The following GFRA2 variants were observed in gnomAD, a reference collection of about 807,000 sequenced individuals.
GFRA2 encodes GDNF family receptor alpha 2.
A neutral mutation model predicts 48.3 loss-of-function variants in GFRA2; 17 were observed. The observed-to-expected ratio is 0.35, with a 90% CI of 0.24 to 0.53. The LOEUF (loss-of-function observed/expected upper bound fraction) is 0.53, where lower values mean the gene tolerates loss of function less well. Ranked by LOEUF, GFRA2 falls within the 20% of genes least tolerant of loss-of-function variation. The pLI is 0.93. For synonymous variants in GFRA2, 305 were observed against 257.2 expected (o/e 1.19, Z -1.78); for missense variants, 660 against 637.3 (o/e 1.04, Z -0.38).
intron 2 of GFRA2, among the ~76,000 whole-genome samples, chr8:21,798,071 C>A (rs1807709462): frequency 6.6e-6 from 1 of 152,178 alleles, no homozygotes; most frequent in Admixed American, 6.5e-5. Flanking sequence ...GGTACAGGCA[C>A]CTGCTGCCTC....
chr8:21,696,830 G>C (rs1458853060), intron 7 of GFRA2, among the ~76,000 whole-genome samples: 1 of 151,050 alleles, frequency 6.6e-6, no homozygotes, highest in Non-Finnish European at 1.5e-5. Context: ...GTGGAAGGAA[G>C]AGAGGAAACC....
chr8:21,789,425 C>T (rs1054828876), upstream of GFRA2, among the ~76,000 whole-genome samples: 4 of 152,158 alleles, frequency 2.6e-5, no homozygotes, highest in Admixed American at 2.0e-4. Context: ...GCGCGGAGTC[C>T]GTGGGGCCCG....
chr8:21,805,928 CAGA>C (rs1382246425), intron 1 of GFRA2, among the ~76,000 whole-genome samples: 3 of 152,198 alleles, frequency 2.0e-5, no homozygotes, highest in African/African-American at 7.2e-5. Context: ...GGCTGCAGGG[CAGA>C]AGGTTTGAGC....
At chr8:21,800,449 G>C (rs1040573884) in intron 2 of GFRA2, among the ~76,000 whole-genome samples, 2 of 152,214 alleles carry the variant, frequency 1.3e-5, no homozygotes, top group African/African-American at 2.4e-5. Context: ...GATGCAATGC[G>C]TTAGGCATCA....
chr8:21,789,883 G>A (rs2117099477), upstream of GFRA2, among the ~76,000 whole-genome samples: 1 of 152,260 alleles, frequency 6.6e-6, no homozygotes, highest in South Asian at 2.1e-4. Context: ...GAATCGGGCA[G>A]GGGCTCGCAC....
intron 4 of GFRA2, among the ~76,000 whole-genome samples, chr8:21,712,256 G>T (rs540828736): frequency 2.0e-3 from 304 of 151,628 alleles, no homozygotes; most frequent in Middle Eastern, 6.8e-3. Flanking sequence ...CAGACGGGGC[G>T]GCTGCCAGGC....
chr8:21,713,086 C>T (rs76915674), intron 4 of GFRA2, among the ~76,000 whole-genome samples: 4 of 146,044 alleles, frequency 2.7e-5, no homozygotes, highest in Non-Finnish European at 4.7e-5. Context: ...GAGGGAGAGG[C>T]AGAGGGAGAG....
intron 3 of GFRA2, among the ~76,000 whole-genome samples, chr8:21,766,906 C>T (rs984837070): frequency 1.5e-5 from 2 of 131,168 alleles, no homozygotes; most frequent in African/African-American, 6.0e-5. Flanking sequence ...TCCACACACA[C>T]GCTAACACAT....
At position 21,702,746 on chromosome 8, in the gene GFRA2, T is replaced by A. The variant is rs975677462; in HGVS notation, c.1218+59A>T. The A allele has an allele frequency of 3.3e-6, 5 of 1,494,868 alleles. No homozygotes were observed. The African/African-American group carries it at 7.3e-5, about 22-fold the overall frequency. The allele number at this position is 1,494,868 out of a possible 1,614,324, so 92.6% of individuals were successfully genotyped here. A position where few individuals can be genotyped will look rare whatever the true frequency, so the allele number is the denominator to read the frequency against. On this transcript the variant is annotated intron_variant, in intron 7 of 8. Transcript: ENST00000524240. ...CCCTCCCTGGCCTCAGCTGAGTCATTTCCCATGCCACTTCCGGTGCCATGG... is the reference window on the plus strand; with the variant it reads ...CCCTCCCTGGCCTCAGCTGAGTCATATCCCATGCCACTTCCGGTGCCATGG...
chr8:21,733,711 G>A (rs920666901), intron 4 of GFRA2, among the ~76,000 whole-genome samples: 2 of 152,194 alleles, frequency 1.3e-5, no homozygotes, highest in East Asian at 1.9e-4. Context: ...ATGGAAAACT[G>A]ATGGCTTTTA....
intron 4 of GFRA2, among the ~76,000 whole-genome samples, chr8:21,706,564 C>T (rs554743056): frequency 6.6e-6 from 1 of 152,276 alleles, no homozygotes; most frequent in East Asian, 1.9e-4. Context: ...AAAAGAGTCT[C>T]CCTGGGTGAG....
chr8:21,698,859 G>A (rs762455671), intron 7 of GFRA2, among the ~76,000 whole-genome samples: 21 of 150,886 alleles, frequency 1.4e-4, no homozygotes, highest in Admixed American at 2.6e-4. Flanking sequence ...CCTCGGCTCC[G>A]CTGCTGATTC....
intron 4 of GFRA2, among the ~76,000 whole-genome samples, chr8:21,732,708 G>A (rs1036984471): frequency 2.6e-5 from 4 of 152,248 alleles, no homozygotes; most frequent in Non-Finnish European, 2.9e-5. Context: ...TGCTAGCCAG[G>A]CTAGAGAGAA....
intron 4 of GFRA2, among the ~76,000 whole-genome samples, chr8:21,708,376 T>C (rs773066310): frequency 6.6e-6 from 1 of 152,048 alleles, no homozygotes; most frequent in Non-Finnish European, 1.5e-5. Context: ...GAGAGTGCTA[T>C]GAGAGGGGAA....
At chr8:21,744,897 T>C (rs769232922) in intron 4 of GFRA2, among the ~76,000 whole-genome samples, 1 of 151,970 alleles carries the variant, frequency 6.6e-6, no homozygotes, top group Non-Finnish European at 1.5e-5. Flanking sequence ...CAAAGCCAGG[T>C]GGAACTGTCA....
rs1807070321 is a variant in GFRA2 at position 21,782,694 on chromosome 8, C to G, written c.246G>C (p.Leu82Phe). ...ACAGCGGGCTCTCCTGCAAGACCTC[C>G]AAGGCCGCCTGGCACTCCTTGTTGG... ...MLANKECQAA[L>F]EVLQESPLYD... The change falls in exon 2 of 9, where the codon TTG becomes TTC. Residue 82 changes from leucine to phenylalanine, a missense_variant. Coordinates refer to ENST00000524240, the MANE Select transcript of GFRA2 (RefSeq NM_001495.5). The G allele has an allele frequency of 6.3e-7, 1 of 1,592,802 alleles. No individual in the cohort carries two copies. Among genetic ancestry groups the G allele is most frequent in the Non-Finnish European group, 8.5e-7 (1 of 1,170,164 alleles).
intron 3 of GFRA2, among the ~76,000 whole-genome samples, chr8:21,752,764 G>A (rs1483092941): frequency 6.6e-6 from 1 of 151,974 alleles, no homozygotes; most frequent in African/African-American, 2.4e-5. Flanking sequence ...CTCCACTTAT[G>A]ACAGTCTTCC....
chr8:21,702,777 C>A, intron 7 of GFRA2, 28 bp downstream of exon 7: 3 of 1,550,476 alleles, frequency 1.9e-6, no homozygotes, highest in Non-Finnish European at 1.7e-6. Context: ...CATGGTGCTC[C>A]CCCCACGCCT....
intron 4 of GFRA2, among the ~76,000 whole-genome samples, chr8:21,712,826 G>A (rs1346591826): frequency 2.6e-5 from 4 of 152,180 alleles, no homozygotes; most frequent in South Asian, 2.1e-4. Context: ...CCAACACAGC[G>A]AAACCCCATC....
Sources: allele counts gnomAD v4.1 joint callset (sites outside exome capture counted in the v4.1 genomes callset), GRCh38; gene constraint gnomAD v4.1.1; transcripts MANE v1.5; gene names NCBI Gene and HGNC (gene_info 2026-07-23, HGNC 2026-07-21).